Variants in STXBP4 observed in about 807,000 individuals in gnomAD.
STXBP4 encodes syntaxin-binding protein 4.
STXBP4 carries 55 observed loss-of-function variants against 76.1 expected under a neutral mutation model. The observed-to-expected ratio is 0.72, with a 90% CI of 0.58 to 0.91. The LOEUF (loss-of-function observed/expected upper bound fraction) is 0.91, where lower values mean the gene tolerates loss of function less well. Ranked by LOEUF, STXBP4 falls within the 40% of genes least tolerant of loss-of-function variation. STXBP4 has a pLI of 0.00. For missense variants in STXBP4, 618 were observed against 636.9 expected, an observed-to-expected ratio of 0.97 and a Z score of 0.32; for synonymous variants, 201 against 220.2, an observed-to-expected ratio of 0.91 and a Z score of 0.77.
chr17:54,986,875 T>A (rs968079941), intron 3 of STXBP4, among the ~76,000 whole-genome samples: 1 of 152,222 alleles, frequency 6.6e-6, no homozygotes, highest in Non-Finnish European at 1.5e-5. Context: ...CCAGATAATG[T>A]AGGATGGCCT....
chr17:55,120,251 A>G (rs244343), intron 16 of STXBP4, among the ~76,000 whole-genome samples: 95,261 of 152,078 alleles, frequency 0.63, 30,509 homozygotes, highest in African/African-American at 0.75. Context: ...TTTTTTATCA[A>G]TAATGTTTTC....
At chr17:55,040,770 C>G (rs1052424269) in intron 10 of STXBP4, among the ~76,000 whole-genome samples, 2 of 152,044 alleles carry the variant, frequency 1.3e-5, no homozygotes, top group Non-Finnish European at 2.9e-5. Context: ...AATGATATTG[C>G]GAGAACCAGA....
chr17:55,081,002 T>G, intron 15 of STXBP4, 48 bp from the exon 16 acceptor site: 1 of 1,345,490 alleles, frequency 7.4e-7, no homozygotes, highest in Non-Finnish European at 9.7e-7. Context: ...TAAAGATAGA[T>G]GTTGTTTATT....
At chr17:55,097,567 G>A (rs1396668670) in intron 16 of STXBP4, among the ~76,000 whole-genome samples, 1 of 151,960 alleles carries the variant, frequency 6.6e-6, no homozygotes, top group Non-Finnish European at 1.5e-5. Flanking sequence ...GGAGGCTGAG[G>A]CAGGAGAATG....
chr17:55,013,803 C>T (rs1209431326), intron 8 of STXBP4, among the ~76,000 whole-genome samples: 1 of 152,142 alleles, frequency 6.6e-6, no homozygotes. Context: ...ATCCCTGAAC[C>T]CTTGGGGTAA....
intron 7 of STXBP4, among the ~76,000 whole-genome samples, chr17:55,003,121 C>T (rs1020242202): frequency 6.6e-6 from 1 of 152,080 alleles, no homozygotes; most frequent in Non-Finnish European, 1.5e-5. Flanking sequence ...CAATTGATAA[C>T]TGAACACAGG....
In STXBP4 at chr17:54,995,905, A is replaced by C. The variant is rs547269238; in HGVS notation, c.181-3440A>C. On this transcript the variant is annotated intron_variant, in intron 4 of 17. Coordinates refer to ENST00000376352, the MANE Select transcript of STXBP4 (RefSeq NM_178509.6). Reference sequence around the variant, plus strand: ...ATTGTGGACTTACTGTGTACCTAGCACTGTACCAGGGAAATAACCATGAAA... The same window carrying C: ...ATTGTGGACTTACTGTGTACCTAGCCCTGTACCAGGGAAATAACCATGAAA... Among the ~76,000 whole-genome samples the C allele has an allele frequency of 2.9e-4, 44 of 152,220 alleles. 1 individual carries two copies. The highest frequency in any genetic ancestry group is 6.8e-3 in the Middle Eastern group (2 of 294).
At chr17:55,149,164 G>T (rs2080188417) in intron 17 of STXBP4, among the ~76,000 whole-genome samples, 1 of 152,162 alleles carries the variant, frequency 6.6e-6, no homozygotes, top group Non-Finnish European at 1.5e-5. Flanking sequence ...AGCTATGAAT[G>T]AGTTGTAAGG....
the STXBP4 span, among the ~76,000 whole-genome samples, chr17:55,202,958 G>A: frequency 1.3e-5 from 2 of 152,094 alleles, no homozygotes. Context: ...TTGGACTATA[G>A]GAAAAAGCTT....
intron 16 of STXBP4, among the ~76,000 whole-genome samples, chr17:55,093,140 G>GT (rs1214648092): frequency 3.3e-5 from 5 of 151,950 alleles, no homozygotes; most frequent in African/African-American, 1.2e-4. Context: ...GATTACAGGT[G>GT]TACTCCACCA....
rs2144406225 is a variant in STXBP4 at position 54,990,945 on chromosome 17, A to T, written c.168A>T (p.Gly56=). 6.3e-7 allele frequency: 1 copy of T among 1,579,370 alleles called. No individual in the cohort carries two copies. The highest frequency in any genetic ancestry group is 2.3e-5 in the East Asian group (1 of 43,166). The change falls in exon 4 of 18, where the codon GGA becomes GGT. Residue 56 remains glycine, a synonymous_variant. Coordinates refer to ENST00000376352, the MANE Select transcript of STXBP4 (RefSeq NM_178509.6). ...LVYIQEIIPG[G]DCYKDGRLKP... ...ATATTCAGGAAATTATTCCTGGAGGAGACTGTTATAAGGTAAAAATATGTC... is the reference window on the plus strand; with the variant it reads ...ATATTCAGGAAATTATTCCTGGAGGTGACTGTTATAAGGTAAAAATATGTC...
Position 54,983,301 on chromosome 17 carries a change from A to G in STXBP4, c.-156-2313A>G, listed in dbSNP as rs1437454670. The stretch of plus-strand genomic sequence containing the variant: ...AATTTTATTTTAAACCTTAAAATAG[A>G]AATGTTTTAAAATGTCTTGTTAAGT... On this transcript the variant is annotated intron_variant, in intron 1 of 17. Transcript: ENST00000376352. 2.6e-5 allele frequency among the ~76,000 whole-genome samples: 4 copies of G among 152,256 alleles called. No individual in the cohort carries two copies. In the East Asian group the frequency reaches 7.7e-4, roughly 29 times the overall value.
chr17:55,057,616 C>T (rs562698670), intron 12 of STXBP4, among the ~76,000 whole-genome samples: 2 of 152,150 alleles, frequency 1.3e-5, no homozygotes, highest in East Asian at 3.9e-4. Flanking sequence ...GTATACATAT[C>T]CCATGGTGGT....
intron 16 of STXBP4, among the ~76,000 whole-genome samples, chr17:55,112,049 A>G (rs1276921452): frequency 6.6e-6 from 1 of 151,900 alleles, no homozygotes; most frequent in Admixed American, 6.6e-5. Flanking sequence ...CCAGATAACT[A>G]GGACTATAGG....
At chr17:55,067,217 A>C (rs906311609) in intron 12 of STXBP4, among the ~76,000 whole-genome samples, 13 of 152,160 alleles carry the variant, frequency 8.5e-5, no homozygotes, top group Non-Finnish European at 1.8e-4. Context: ...TTGATTTTAG[A>C]AAGTTGGGTA....
intron 16 of STXBP4, among the ~76,000 whole-genome samples, chr17:55,140,158 A>T (rs564346582): frequency 4.1e-4 from 62 of 152,150 alleles, no homozygotes; most frequent in Middle Eastern, 3.4e-3. Flanking sequence ...TTTAAAAAAG[A>T]TTAGTCAGGA....
intron 12 of STXBP4, among the ~76,000 whole-genome samples, chr17:55,063,790 T>C (rs969556558): frequency 1.8e-4 from 28 of 152,340 alleles, no homozygotes; most frequent in African/African-American, 6.5e-4. Flanking sequence ...CATAATTTTC[T>C]TTGCTTTACT....
chr17:55,209,968 G>A, the STXBP4 span, among the ~76,000 whole-genome samples: 2,197 of 152,358 alleles, frequency 0.014, 46 homozygotes, highest in African/African-American at 0.049. Flanking sequence ...ACACAAGTTA[G>A]GGTAAGGATG....
chr17:55,133,137 A>G (rs749371509), intron 16 of STXBP4, among the ~76,000 whole-genome samples: 1 of 152,146 alleles, frequency 6.6e-6, no homozygotes, highest in Non-Finnish European at 1.5e-5. Flanking sequence ...TATCAGAATA[A>G]TCTAGGTAAG....
Sources: allele counts gnomAD v4.1 joint callset (sites outside exome capture counted in the v4.1 genomes callset), GRCh38; gene constraint gnomAD v4.1.1; transcripts MANE v1.5; gene names NCBI Gene and HGNC (gene_info 2026-07-23, HGNC 2026-07-21).